UNC79: variants seen among roughly 807,000 people sequenced by gnomAD.
The protein encoded by UNC79 is unc-79 subunit of NALCN channel complex.
A neutral mutation model predicts 283.1 loss-of-function variants in UNC79; 37 were observed. The ratio of observed to expected loss-of-function variants is 0.13; its 90% CI spans 0.10 to 0.17. UNC79 has a LOEUF of 0.17. Among genes scored for constraint, UNC79 ranks in the 10% least tolerant of loss-of-function variants. The probability of loss-of-function intolerance (pLI) is 1.00; values close to 1 mark genes in which losing one functional copy is unlikely to be tolerated. For missense variants in UNC79, 2,272 were observed against 3,211.1 expected (o/e 0.71, Z 7.07); for synonymous variants, 1,107 against 1,200.2 (o/e 0.92, Z 1.61).
intron 22 of UNC79, among the ~76,000 whole-genome samples, chr14:93,589,640 G>A (rs1177964368): frequency 6.6e-6 from 1 of 152,120 alleles, no homozygotes; most frequent in Non-Finnish European, 1.5e-5. Flanking sequence ...AGGACCCTGT[G>A]CATCAATGTC....
At chr14:93,570,350 A>G (rs1031156651) in intron 14 of UNC79, among the ~76,000 whole-genome samples, 2 of 152,172 alleles carry the variant, frequency 1.3e-5, no homozygotes, top group African/African-American at 4.8e-5. Context: ...ATGGAAACCA[A>G]AAGATTCCTG....
intron 1 of UNC79, among the ~76,000 whole-genome samples, chr14:93,387,585 C>T (rs1328001030): frequency 6.6e-6 from 1 of 152,160 alleles, no homozygotes; most frequent in Non-Finnish European, 1.5e-5. Flanking sequence ...AGTTTTATTT[C>T]ATTGTGGTCA....
At chr14:93,392,475 T>C (rs2140009982) in intron 1 of UNC79, among the ~76,000 whole-genome samples, 1 of 152,342 alleles carries the variant, frequency 6.6e-6, no homozygotes, top group South Asian at 2.1e-4. Context: ...TTATATGTTA[T>C]ATATGGACAT....
chr14:93,542,798 A>T (rs1375496396), intron 14 of UNC79, 102 bp downstream of exon 14: 31 of 1,058,596 alleles, frequency 2.9e-5, no homozygotes, highest in Non-Finnish European at 4.4e-5. Context: ...GAGGAGGAAC[A>T]TCTCTCCTTA....
At chr14:93,568,716 C>T (rs1595896329) in intron 14 of UNC79, among the ~76,000 whole-genome samples, 1 of 145,034 alleles carries the variant, frequency 6.9e-6, no homozygotes. Context: ...AACAAACAAA[C>T]AAAAAAACTT....
intron 1 of UNC79, among the ~76,000 whole-genome samples, chr14:93,390,728 G>A (rs1237452190): frequency 6.6e-6 from 1 of 152,096 alleles, no homozygotes; most frequent in East Asian, 1.9e-4. Flanking sequence ...AAAATTTTGA[G>A]TATTCTTGGA....
chr14:93,347,174 C>G, intron 1 of UNC79: 1 of 1,433,524 alleles, frequency 7.0e-7, no homozygotes, highest in Non-Finnish European at 9.3e-7. Context: ...GGGGCGCCTG[C>G]GCAAACCAGC....
intron 1 of UNC79, among the ~76,000 whole-genome samples, chr14:93,365,957 G>A (rs763428745): frequency 6.6e-6 from 1 of 152,168 alleles, no homozygotes; most frequent in Non-Finnish European, 1.5e-5. Context: ...GGTGAAATTT[G>A]AGAAGACAAA....
chr14:93,566,872 C>T (rs150345624), intron 14 of UNC79, among the ~76,000 whole-genome samples: 102 of 152,246 alleles, frequency 6.7e-4, no homozygotes, highest in African/African-American at 2.1e-3. Context: ...CCACCTTGGC[C>T]TCCCAAAGTG....
intron 35 of UNC79, among the ~76,000 whole-genome samples, chr14:93,647,882 T>C (rs2069799344): frequency 6.6e-6 from 1 of 152,192 alleles, no homozygotes; most frequent in African/African-American, 2.4e-5. Flanking sequence ...CAAAGGGACG[T>C]CTTACATGGC....
intron 8 of UNC79, among the ~76,000 whole-genome samples, chr14:93,524,394 A>T (rs144192746): frequency 2.0e-5 from 3 of 152,354 alleles, no homozygotes; most frequent in African/African-American, 4.8e-5. Flanking sequence ...GTATGCTACA[A>T]ATCATGAGTG....
intron 35 of UNC79, among the ~76,000 whole-genome samples, chr14:93,651,527 C>G (rs536079717): frequency 6.6e-6 from 1 of 152,124 alleles, no homozygotes; most frequent in East Asian, 1.9e-4. Flanking sequence ...GTTTTTTATA[C>G]TAATGTAAAT....
At chr14:93,414,934 G>T (rs531702279) in intron 1 of UNC79, among the ~76,000 whole-genome samples, 3 of 152,290 alleles carry the variant, frequency 2.0e-5, no homozygotes, top group South Asian at 2.1e-4. Flanking sequence ...AGACGTTGGG[G>T]TTTTCTAGAT....
At chr14:93,663,239 T>C (rs1468502527) in intron 40 of UNC79, among the ~76,000 whole-genome samples, 1 of 152,150 alleles carries the variant, frequency 6.6e-6, no homozygotes, top group Non-Finnish European at 1.5e-5. Flanking sequence ...AATAATGGTT[T>C]CTCTATTGCA....
At chr14:93,414,264 G>A (rs2055402619) in intron 1 of UNC79, among the ~76,000 whole-genome samples, 1 of 152,194 alleles carries the variant, frequency 6.6e-6, no homozygotes, top group Admixed American at 6.5e-5. Flanking sequence ...AGTTTTCCCA[G>A]TGCCATTATT....
chr14:93,493,903 T>TATATATATATATATATATA (rs1566998707), intron 5 of UNC79, among the ~76,000 whole-genome samples: 1 of 89,656 alleles, frequency 1.1e-5, no homozygotes, highest in African/African-American at 4.5e-5. Flanking sequence ...ATATATATAT[T>TATATATATATATATATATA]TTTTTTTTTT....
At chr14:93,400,730 A>T (rs544460222) in intron 1 of UNC79, among the ~76,000 whole-genome samples, 23 of 152,304 alleles carry the variant, frequency 1.5e-4, no homozygotes, top group African/African-American at 5.3e-4. Flanking sequence ...AGCAGAATGA[A>T]GAAAAGCTGA....
intron 9 of UNC79, 50 bp downstream of exon 9, chr14:93,528,696 A>G (rs1347460584): frequency 6.4e-7 from 1 of 1,550,462 alleles, no homozygotes; most frequent in Non-Finnish European, 8.9e-7. Flanking sequence ...CAATAAGAAG[A>G]TAAGAAAAAT....
chr14:93,357,711 ATATATATATG>A (rs2054120077), intron 1 of UNC79, among the ~76,000 whole-genome samples: 1 of 126,798 alleles, frequency 7.9e-6, no homozygotes, highest in Non-Finnish European at 1.6e-5. Flanking sequence ...ATATATATAT[ATATATATATG>A]GATATATGGA....
Sources: gnomAD v4.1 joint callset for allele counts (sites outside exome capture counted in the v4.1 genomes callset) on GRCh38, gnomAD v4.1.1 for gene constraint, MANE v1.5 for transcripts, NCBI Gene and HGNC (gene_info 2026-07-23, HGNC 2026-07-21) for gene names.